The following NXPE4 variants were observed in gnomAD, a reference collection of about 807,000 sequenced individuals.
NXPE4 encodes neurexophilin and PC-esterase domain family member 4, also known as NXPE family member 4.
In NXPE4, 42 loss-of-function variants were observed where a neutral mutation model predicts 33.3. That is an observed-to-expected ratio of 1.26 (90% CI 0.98 to 1.63). The LOEUF is 1.63. NXPE4 is among the 40% of genes most tolerant of loss of function. NXPE4 has a pLI of 0.00. For missense variants in NXPE4, 709 were observed against 647.6 expected, an observed-to-expected ratio of 1.09 and a Z score of -1.03; for synonymous variants, 253 against 234.9, an observed-to-expected ratio of 1.08 and a Z score of -0.71.
chr11:114,623,997 T>A, the NXPE4 span, among the ~76,000 whole-genome samples: 1 of 152,148 alleles, frequency 6.6e-6, no homozygotes, highest in Admixed American at 6.5e-5. Context: ...GTAACCACTG[T>A]TACCCGGTGG....
At chr11:114,644,526 T>C in the NXPE4 span, among the ~76,000 whole-genome samples, 1 of 152,128 alleles carries the variant, frequency 6.6e-6, no homozygotes, top group Non-Finnish European at 1.5e-5. Flanking sequence ...AAAAATGTAA[T>C]AGAAAAATAT....
At position 114,594,539 on chromosome 11, in the gene NXPE4, G is replaced by C. The variant is rs542632002; in HGVS notation, c.96+125C>G. The C allele has an allele frequency of 1.3e-5, 9 of 668,002 alleles. No individual in the cohort carries two copies. In the African/African-American group the frequency reaches 1.5e-4, roughly 11 times the overall value. The allele number at this position is 668,002 out of a possible 1,614,324, so 41.4% of individuals were successfully genotyped here. ...TTAATGATTATCAGGTATGTTGTTT[G>C]GTATCTAGCTATTCAAACTCCCCTC... On this transcript the variant is annotated intron_variant, in intron 2 of 5. Coordinates refer to ENST00000375478, the MANE Select transcript of NXPE4 (RefSeq NM_001077639.2).
chr11:114,649,431 A>G, the NXPE4 span, among the ~76,000 whole-genome samples: 2 of 152,234 alleles, frequency 1.3e-5, no homozygotes, highest in Non-Finnish European at 2.9e-5. Context: ...AGTACATGTT[A>G]GCATATGGAA....
chr11:114,623,991 C>A, the NXPE4 span, among the ~76,000 whole-genome samples: 1 of 152,004 alleles, frequency 6.6e-6, no homozygotes, highest in African/African-American at 2.4e-5. Context: ...TCGTGGGTAA[C>A]CACTGTTACC....
chr11:114,597,428 G>A (rs1321750259), upstream of NXPE4, among the ~76,000 whole-genome samples: 1 of 152,180 alleles, frequency 6.6e-6, no homozygotes, highest in Non-Finnish European at 1.5e-5. Flanking sequence ...ACAAGAAAAT[G>A]TAATGGGTAT....
At chr11:114,625,881 G>A in the NXPE4 span, among the ~76,000 whole-genome samples, 9 of 152,146 alleles carry the variant, frequency 5.9e-5, no homozygotes, top group African/African-American at 2.2e-4. Context: ...AGGGGTCAGG[G>A]AGTTCCCTTT....
upstream of NXPE4, among the ~76,000 whole-genome samples, chr11:114,597,175 T>G (rs10790026): frequency 0.43 from 64,888 of 151,946 alleles, 15,051 homozygotes; most frequent in African/African-American, 0.61. Context: ...AAATATTTCT[T>G]TTAAAAAGTG....
the NXPE4 span, among the ~76,000 whole-genome samples, chr11:114,661,642 C>T: frequency 6.6e-6 from 1 of 152,200 alleles, no homozygotes; most frequent in Non-Finnish European, 1.5e-5. Flanking sequence ...GACATTTCCT[C>T]TTTATCTCAG....
chr11:114,669,557 A>G, the NXPE4 span, among the ~76,000 whole-genome samples: 1 of 152,166 alleles, frequency 6.6e-6, no homozygotes, highest in East Asian at 1.9e-4. Context: ...GAGCAGAAGC[A>G]CTTTTCTAGG....
chr11:114,654,209 T>G, the NXPE4 span, among the ~76,000 whole-genome samples: 52 of 152,162 alleles, frequency 3.4e-4, 1 homozygote, highest in Non-Finnish European at 6.3e-4. Context: ...GATGCCTGCC[T>G]TCCACCCAGA....
the NXPE4 span, among the ~76,000 whole-genome samples, chr11:114,603,234 T>G: frequency 1.3e-5 from 2 of 151,820 alleles, no homozygotes; most frequent in African/African-American, 4.8e-5. Flanking sequence ...GGATGATAAG[T>G]ATTGCCTCGT....
the NXPE4 span, among the ~76,000 whole-genome samples, chr11:114,654,077 G>C: frequency 3.9e-5 from 6 of 152,232 alleles, no homozygotes; most frequent in African/African-American, 1.2e-4. Context: ...AAGTGGTGAA[G>C]GTATGTACAA....
Position 114,582,590 on chromosome 11 carries a change from A to G in NXPE4, c.528T>C (p.Ser176=). The change falls in exon 3 of 6, where the codon TCT becomes TCC. Residue 176 remains serine (S), a synonymous_variant. Coordinates refer to ENST00000375478, the MANE Select transcript of NXPE4 (RefSeq NM_001077639.2). ...TGGGGTGGATGAGCAGCAGAGACAG[A>G]GAGACCTGGCCCTCCCAGAACAGAG... is the stretch of plus-strand genomic sequence containing the variant. ...SFTLFWEGQV[S]LSLLLIHPSE... 3 of 1,614,188 alleles carry G rather than the reference A, an allele frequency of 1.9e-6. No homozygotes were observed. Among genetic ancestry groups the G allele is most frequent in the Non-Finnish European group, 1.7e-6 (2 of 1,180,008 alleles).
the NXPE4 span, among the ~76,000 whole-genome samples, chr11:114,602,260 T>G: frequency 6.8e-5 from 8 of 118,402 alleles, no homozygotes; most frequent in South Asian, 1.9e-3. Flanking sequence ...ATATGTTATA[T>G]ATAATATATA....
At chr11:114,638,608 GT>G in the NXPE4 span, among the ~76,000 whole-genome samples, 1 of 151,954 alleles carries the variant, frequency 6.6e-6, no homozygotes, top group African/African-American at 2.4e-5. Flanking sequence ...ATCTACTTTT[GT>G]CTTTGATGAT....
chr11:114,677,687 A>G, the NXPE4 span, among the ~76,000 whole-genome samples: 1 of 152,112 alleles, frequency 6.6e-6, no homozygotes, highest in Non-Finnish European at 1.5e-5. Context: ...AGATGCAAAC[A>G]AACAAATGCT....
At chr11:114,577,013 A>ATATATATATATACATATATATATAAAGT (rs1949012326) in intron 5 of NXPE4, among the ~76,000 whole-genome samples, 2 of 7,218 alleles carry the variant, frequency 2.8e-4, no homozygotes, top group Non-Finnish European at 6.9e-4. Flanking sequence ...ATAAAGTTAT[A>ATATATATATATACATATATATATAAAGT]TATATATATA....
the NXPE4 span, among the ~76,000 whole-genome samples, chr11:114,663,227 A>T: frequency 6.6e-6 from 1 of 152,106 alleles, no homozygotes; most frequent in Non-Finnish European, 1.5e-5. Context: ...GGGGAAGGGA[A>T]AAGAGGGGAG....
At chr11:114,603,880 G>A in the NXPE4 span, among the ~76,000 whole-genome samples, 1 of 151,214 alleles carries the variant, frequency 6.6e-6, no homozygotes, top group Non-Finnish European at 1.5e-5. Flanking sequence ...ATATTATCTG[G>A]TGGTTAATAA....
Sources: allele counts gnomAD v4.1 joint callset (sites outside exome capture counted in the v4.1 genomes callset), GRCh38; gene constraint gnomAD v4.1.1; transcripts MANE v1.5; gene names NCBI Gene and HGNC (gene_info 2026-07-23, HGNC 2026-07-21).